GMCL1: variants seen among roughly 807,000 people sequenced by gnomAD.
The protein encoded by GMCL1 is germ cell-less protein-like 1.
Under a neutral mutation model 75.5 loss-of-function variants are expected in GMCL1, and 54 were observed. The observed-to-expected ratio is 0.71, with a 90% CI of 0.57 to 0.90. The LOEUF is 0.90. GMCL1 is among the 40% of genes least tolerant of loss of function. GMCL1 has a pLI of 0.00. For synonymous variants in GMCL1, 210 were observed against 209.6 expected (o/e 1.00, Z -0.02); for missense variants, 537 against 622.7 (o/e 0.86, Z 1.47).
At chr2:69,858,530 A>G (rs990534945) in intron 9 of GMCL1, among the ~76,000 whole-genome samples, 1 of 152,208 alleles carries the variant, frequency 6.6e-6, no homozygotes, top group Non-Finnish European at 1.5e-5. Context: ...GCATACAAAC[A>G]TATTGAAAAC....
intron 1 of GMCL1, among the ~76,000 whole-genome samples, chr2:69,832,066 T>A (rs1674688476): frequency 6.6e-6 from 1 of 151,952 alleles, no homozygotes; most frequent in African/African-American, 2.4e-5. Context: ...ACTAAAAATA[T>A]AAAAACTAAC....
chr2:69,864,286 G>T (rs1161176627), intron 10 of GMCL1, among the ~76,000 whole-genome samples: 2 of 151,806 alleles, frequency 1.3e-5, no homozygotes, highest in African/African-American at 4.8e-5. Context: ...ATATATGAAT[G>T]AATGTATTAT....
In GMCL1 at chr2:69,878,044, A is replaced by G. The variant is rs145094560; in HGVS notation, c.1453-865A>G. 2.0e-3 allele frequency among the ~76,000 whole-genome samples: 300 copies of G among 152,302 alleles called. 2 individuals carry two copies. The highest frequency in any genetic ancestry group is 3.3e-3 in the Non-Finnish European group (226 of 68,024). On this transcript the variant is annotated intron_variant, in intron 13 of 13. Transcript: ENST00000282570. ...TCTGAGGATTGATTCTATTTACCAAATGCTTCTAGTAAAGGATATATGAGG... is the reference window on the plus strand; with the variant it reads ...TCTGAGGATTGATTCTATTTACCAAGTGCTTCTAGTAAAGGATATATGAGG...
At chr2:69,874,613 TATC>T (rs1676071535) in intron 13 of GMCL1, among the ~76,000 whole-genome samples, 1 of 152,150 alleles carries the variant, frequency 6.6e-6, no homozygotes, top group African/African-American at 2.4e-5. Flanking sequence ...TTATTGAACG[TATC>T]ATCTCATGTA....
intron 11 of GMCL1, among the ~76,000 whole-genome samples, chr2:69,869,249 CAAA>C (rs35609593): frequency 5.0e-5 from 4 of 79,308 alleles, no homozygotes; most frequent in Admixed American, 1.2e-4. Context: ...ACCTCTGTCT[CAAA>C]AAAAAAAAAA....
chr2:69,843,468 GT>G (rs1344733281), intron 5 of GMCL1, among the ~76,000 whole-genome samples: 1 of 152,134 alleles, frequency 6.6e-6, no homozygotes, highest in Non-Finnish European at 1.5e-5. Context: ...GTGACCATAG[GT>G]GGGTTATATA....
At chr2:69,873,097 G>C (rs576418904) in intron 13 of GMCL1, among the ~76,000 whole-genome samples, 2 of 152,298 alleles carry the variant, frequency 1.3e-5, no homozygotes, top group South Asian at 4.1e-4. Flanking sequence ...TGCCGTGGTT[G>C]GGGGTGGTTA....
In GMCL1 at chr2:69,859,742, T is replaced by TAAAAAAAAAAAAAAAAAA. The variant is rs1207817401; in HGVS notation, c.1073-1520_1073-1519insAAAAAAAAAAAAAAAAAA. On this transcript the variant is annotated intron_variant, in intron 9 of 13. Coordinates refer to ENST00000282570, the MANE Select transcript of GMCL1 (RefSeq NM_178439.5). Reference sequence around the variant, plus strand: ...GAGTGAGACCGTGTCTCTCTCTCTCTAAAAAAAAAAAAAAAAGTATATATG... The same window carrying TAAAAAAAAAAAAAAAAAA: ...GAGTGAGACCGTGTCTCTCTCTCTCTAAAAAAAAAAAAAAAAAAAAAAAAAAAAAAAAAAGTATATATG... Among the ~76,000 whole-genome samples, 197 of 78,932 alleles carry TAAAAAAAAAAAAAAAAAA rather than the reference T, an allele frequency of 2.5e-3. 21 individuals are homozygous for TAAAAAAAAAAAAAAAAAA. Among genetic ancestry groups the TAAAAAAAAAAAAAAAAAA allele is most frequent in the African/African-American group, 9.5e-3 (165 of 17,374 alleles). The allele number at this position is 78,932 out of a possible 152,430, so 51.8% of individuals were successfully genotyped here.
chr2:69,830,377 G>A (rs1045198872), intron 1 of GMCL1, among the ~76,000 whole-genome samples: 2 of 152,222 alleles, frequency 1.3e-5, no homozygotes, highest in African/African-American at 4.8e-5. Context: ...CTTCCAGGGT[G>A]TTGTTACAGC....
At chr2:69,875,446 T>C (rs1676104287) in intron 13 of GMCL1, among the ~76,000 whole-genome samples, 1 of 152,192 alleles carries the variant, frequency 6.6e-6, no homozygotes, top group Non-Finnish European at 1.5e-5. Context: ...CTCAGTTCTT[T>C]GTGCATGATT....
At chr2:69,864,590 CT>C (rs534389389) in intron 10 of GMCL1, among the ~76,000 whole-genome samples, 1,466 of 88,346 alleles carry the variant, frequency 0.017, 9 homozygotes, top group African/African-American at 0.039. Context: ...TAGACTTTTA[CT>C]TTTTTTTTTT....
chr2:69,873,014 G>T (rs1276142677), intron 13 of GMCL1, among the ~76,000 whole-genome samples: 1 of 152,204 alleles, frequency 6.6e-6, no homozygotes, highest in African/African-American at 2.4e-5. Flanking sequence ...ATAGCCTAGT[G>T]TAAGTAGCAT....
chr2:69,836,669 A>G (rs1445605047), intron 1 of GMCL1, among the ~76,000 whole-genome samples: 2 of 152,230 alleles, frequency 1.3e-5, no homozygotes, highest in Non-Finnish European at 2.9e-5. Context: ...AGCTTTCAGA[A>G]TTGGTCAGGA....
chr2:69,864,162 G>C (rs1675739553), intron 10 of GMCL1, among the ~76,000 whole-genome samples: 1 of 151,712 alleles, frequency 6.6e-6, no homozygotes, highest in Non-Finnish European at 1.5e-5. Flanking sequence ...TCAAGGATAT[G>C]TTTTATTAGT....
At chr2:69,868,419 T>C (rs970469864) in intron 11 of GMCL1, among the ~76,000 whole-genome samples, 1 of 152,128 alleles carries the variant, frequency 6.6e-6, no homozygotes, top group Non-Finnish European at 1.5e-5. Context: ...CCCTAACTAC[T>C]TCTCTGTATC....
rs146222504 is a variant in GMCL1, at chr2:69,867,134, C to T, written c.1218+2159C>T. 2.6e-3 allele frequency among the ~76,000 whole-genome samples: 394 copies of T among 151,648 alleles called. 2 individuals are homozygous for T. Among genetic ancestry groups the T allele is most frequent in the African/African-American group, 9.1e-3 (377 of 41,394 alleles). ...TAATTTTTTAAAATTTTTGTAGAGA[C>T]GAGGTCTCACTATGTTGCCCAGGCT... is the stretch of plus-strand genomic sequence containing the variant. On this transcript the variant is annotated intron_variant, in intron 11 of 13. Coordinates refer to ENST00000282570, the MANE Select transcript of GMCL1 (RefSeq NM_178439.5).
At chr2:69,864,764 T>G in intron 10 of GMCL1, 136 bp from the exon 11 acceptor site, 1 of 601,218 alleles carries the variant, frequency 1.7e-6, no homozygotes, top group Non-Finnish European at 3.0e-6. Context: ...TAATCAACAC[T>G]TTCTTATTTT....
rs34707640 is a variant in GMCL1 at position 69,856,640 on chromosome 2, CTTTTTTTTTTTTTTT to C, written c.1072+1694_1072+1708del. Among the ~76,000 whole-genome samples, 10 of 89,858 alleles carry C rather than the reference CTTTTTTTTTTTTTTT, an allele frequency of 1.1e-4. No homozygotes were observed. The South Asian group carries it at 1.6e-3, about 14-fold the overall frequency. The allele number at this position is 89,858 out of a possible 152,430, so 59.0% of individuals were successfully genotyped here. ...AACAAAATCTTCCATCTCTTCCCTC[CTTTTTTTTTTTTTTT>C]TTTTTTTTTTTTTAACTTCCAGAAT... is the stretch of plus-strand genomic sequence containing the variant. On this transcript the variant is annotated intron_variant, in intron 9 of 13. Coordinates refer to ENST00000282570, the MANE Select transcript of GMCL1 (RefSeq NM_178439.5).
intron 6 of GMCL1, among the ~76,000 whole-genome samples, chr2:69,845,268 G>A (rs1558540286): frequency 6.6e-6 from 1 of 152,208 alleles, no homozygotes; most frequent in Non-Finnish European, 1.5e-5. Context: ...AGGTCCTGGA[G>A]ATGGAGCCAG....
Sources: gnomAD v4.1 joint callset for allele counts (sites outside exome capture counted in the v4.1 genomes callset) on GRCh38, gnomAD v4.1.1 for gene constraint, MANE v1.5 for transcripts, NCBI Gene and HGNC (gene_info 2026-07-23, HGNC 2026-07-21) for gene names.